The following ENAH variants were observed in gnomAD, a reference collection of about 807,000 sequenced individuals.
ENAH encodes the protein ENAH actin regulator, also known as protein enabled homolog.
Under a neutral mutation model 78.7 loss-of-function variants are expected in ENAH, and 23 were observed. The ratio of observed to expected loss-of-function variants is 0.29; its 90% CI spans 0.21 to 0.41. The LOEUF is 0.41. ENAH is among the 10% of genes least tolerant of loss of function. The pLI, the probability that ENAH is intolerant of heterozygous loss-of-function variation, is 1.00. For missense variants in ENAH, 544 were observed against 691.0 expected, an observed-to-expected ratio of 0.79 and a Z score of 2.39; for synonymous variants, 226 against 241.0, an observed-to-expected ratio of 0.94 and a Z score of 0.58.
intron 6 of ENAH, among the ~76,000 whole-genome samples, chr1:225,516,700 CCTGT>C (rs1408911660): frequency 6.6e-6 from 1 of 151,742 alleles, no homozygotes; most frequent in African/African-American, 2.4e-5. Flanking sequence ...ATGACAAAAC[CCTGT>C]CTCTACTAAA....
chr1:225,572,841 T>C (rs1281570601), intron 1 of ENAH, among the ~76,000 whole-genome samples: 1 of 152,238 alleles, frequency 6.6e-6, no homozygotes, highest in Admixed American at 6.5e-5. Flanking sequence ...CCCAGTGCAA[T>C]TGGTATATAT....
chr1:225,652,564 CAGACCGG>C (rs1663228227), intron 1 of ENAH, 115 bp downstream of exon 1: 12 of 1,097,032 alleles, frequency 1.1e-5, no homozygotes, highest in Non-Finnish European at 1.4e-5. Context: ...GGGGGAGGAA[CAGACCGG>C]AGACCAGGGG....
chr1:225,512,495 A>G (rs79382583), intron 9 of ENAH, among the ~76,000 whole-genome samples, 162 bp downstream of exon 9: 6,535 of 152,288 alleles, frequency 0.043, 230 homozygotes, highest in South Asian at 0.11. Context: ...AAATTTATAA[A>G]TAACAGTCAA....
chr1:225,645,091 G>A (rs566432058), intron 1 of ENAH, among the ~76,000 whole-genome samples: 43 of 152,092 alleles, frequency 2.8e-4, no homozygotes, highest in African/African-American at 6.0e-4. Context: ...GCATTCCCAC[G>A]TGCTTGTTTC....
chr1:225,588,637 G>A (rs746235667), intron 1 of ENAH, among the ~76,000 whole-genome samples: 3 of 152,012 alleles, frequency 2.0e-5, no homozygotes, highest in South Asian at 2.1e-4. Context: ...GTGAAACGCC[G>A]TCTCGACTAA....
At position 225,555,067 on chromosome 1, in the gene ENAH, G is replaced by A; in HGVS notation, c.188C>T (p.Ala63Val). ...IQDHQVVINC[A>V]IPKGLKYNQA... The stretch of plus-strand genomic sequence containing the variant: ...ATTGTACTTCAACCCTTTAGGAATG[G>A]CACAGTTTATCACGACCTAAAAAAT... Residue 63 changes from alanine (A) to valine (V), a missense_variant, in exon 3 of 14, where the codon GCC (alanine) becomes GTC (valine). Physicochemically the swap from Ala to Val is moderately conservative, Grantham distance 64. Coordinates refer to ENST00000366843, the MANE Select transcript of ENAH (RefSeq NM_018212.6). The A allele has an allele frequency of 1.0e-5, 16 of 1,569,216 alleles. No individual in the cohort carries two copies. Among genetic ancestry groups the A allele is most frequent in the Non-Finnish European group, 1.4e-5 (16 of 1,146,762 alleles).
Position 225,624,451 on chromosome 1 carries a change from G to A in ENAH, c.5+28235C>T, listed in dbSNP as rs140500452. Among the ~76,000 whole-genome samples the A allele has an allele frequency of 6.8e-3, 1,030 of 151,956 alleles. 12 individuals carry two copies. Among genetic ancestry groups the A allele is most frequent in the African/African-American group, 0.024 (976 of 41,448 alleles). ...CCAGCCTGGCCAACATGGTGAAACCGCGTCTATACTAAAACTATAAGAATT... is the reference window on the plus strand; with the variant it reads ...CCAGCCTGGCCAACATGGTGAAACCACGTCTATACTAAAACTATAAGAATT... On this transcript the variant is annotated intron_variant, in intron 1 of 13. Coordinates refer to ENST00000366843, the MANE Select transcript of ENAH (RefSeq NM_018212.6).
At chr1:225,644,512 T>C (rs1661609510) in intron 1 of ENAH, among the ~76,000 whole-genome samples, 1 of 152,160 alleles carries the variant, frequency 6.6e-6, no homozygotes, top group Non-Finnish European at 1.5e-5. Context: ...ATAACCAGTA[T>C]ATAATAATTA....
chr1:225,571,538 G>T (rs1350044448), intron 1 of ENAH, among the ~76,000 whole-genome samples: 1 of 152,022 alleles, frequency 6.6e-6, no homozygotes, highest in Non-Finnish European at 1.5e-5. Context: ...AGTGTCTTTG[G>T]TATACTAATG....
chr1:225,541,552 A>C (rs1008380574), intron 3 of ENAH, among the ~76,000 whole-genome samples: 2 of 152,232 alleles, frequency 1.3e-5, no homozygotes, highest in African/African-American at 4.8e-5. Context: ...TGGTATGTGA[A>C]GTAAAGCTCG....
chr1:225,629,787 A>G (rs1658668163), intron 1 of ENAH, among the ~76,000 whole-genome samples: 1 of 152,184 alleles, frequency 6.6e-6, no homozygotes, highest in Non-Finnish European at 1.5e-5. Flanking sequence ...ATTGCTCTTT[A>G]TTCTAAACTG....
chr1:225,541,441 A>C (rs1243809639), intron 3 of ENAH, among the ~76,000 whole-genome samples: 1 of 147,830 alleles, frequency 6.8e-6, no homozygotes, highest in Non-Finnish European at 1.5e-5. Context: ...TCTCAAAAAC[A>C]AAAAAAAAAC....
rs917946214 is a variant in ENAH at position 225,645,610 on chromosome 1, A to G, written c.5+7076T>C. Among the ~76,000 whole-genome samples the G allele has an allele frequency of 2.6e-5, 4 of 152,326 alleles. No homozygotes were observed. In the East Asian group the frequency reaches 7.7e-4, roughly 29 times the overall value. ...GAGGAACTGCCAAACTGTTTTCTAA[A>G]GCAGCTGCACCATCTTACATGGTTT... On this transcript the variant is annotated intron_variant, in intron 1 of 13. Transcript: ENST00000366843.
At chr1:225,589,162 A>G (rs1362621933) in intron 1 of ENAH, among the ~76,000 whole-genome samples, 1 of 152,158 alleles carries the variant, frequency 6.6e-6, no homozygotes, top group Non-Finnish European at 1.5e-5. Context: ...AGGCAAAGCG[A>G]GGAGTGACAT....
In ENAH at chr1:225,488,563, G is replaced by A. The variant is rs913125848; in HGVS notation, c.*9212C>T. 2.0e-5 allele frequency: 3 copies of A among 152,062 alleles called. No homozygotes were observed. Among genetic ancestry groups the A allele is most frequent in the African/African-American group, 7.2e-5 (3 of 41,410 alleles). The allele number at this position is 152,062 out of a possible 1,614,324, so 9.4% of individuals were successfully genotyped here. A position where few individuals can be genotyped will look rare whatever the true frequency, so the allele number is the denominator to read the frequency against. On this transcript the variant is annotated 3_prime_UTR_variant, in exon 14 of 14. Transcript: ENST00000366843. ...CAAATATGTAAGTACTGTCATTGAG[G>A]ATTACAGAAATACTTTGCATCAACT...
intron 2 of ENAH, among the ~76,000 whole-genome samples, chr1:225,559,640 C>T (rs1267119813): frequency 6.6e-6 from 1 of 152,186 alleles, no homozygotes; most frequent in Non-Finnish European, 1.5e-5. Context: ...TCCCTACTCT[C>T]CCTGCACCCC....
chr1:225,509,482 G>C (rs148880297), intron 10 of ENAH, among the ~76,000 whole-genome samples: 48 of 152,314 alleles, frequency 3.2e-4, no homozygotes, highest in Admixed American at 8.5e-4. Flanking sequence ...AGAAGCAAGG[G>C]CCTCTTCTCT....
chr1:225,596,774 C>A (rs906357345), intron 1 of ENAH, among the ~76,000 whole-genome samples: 1 of 152,172 alleles, frequency 6.6e-6, no homozygotes, highest in African/African-American at 2.4e-5. Context: ...ACATCATAAT[C>A]AGGCAACACA....
chr1:225,555,292 G>T (rs1229946945), intron 2 of ENAH, among the ~76,000 whole-genome samples: 1 of 152,072 alleles, frequency 6.6e-6, no homozygotes, highest in East Asian at 1.9e-4. Flanking sequence ...CCATAAAACA[G>T]TAAATCAGCC....
Sources: gnomAD v4.1 joint callset for allele counts (sites outside exome capture counted in the v4.1 genomes callset) on GRCh38, gnomAD v4.1.1 for gene constraint, MANE v1.5 for transcripts, NCBI Gene and HGNC (gene_info 2026-07-23, HGNC 2026-07-21) for gene names.